The following MBOAT1 variants were observed in gnomAD, a reference collection of about 807,000 sequenced individuals.
The protein encoded by MBOAT1 is membrane-bound glycerophospholipid O-acyltransferase 1.
MBOAT1 carries 67 observed loss-of-function variants against 64.4 expected under a neutral mutation model. The ratio of observed to expected loss-of-function variants is 1.04; its 90% confidence interval spans 0.85 to 1.27. MBOAT1 has a LOEUF of 1.27. Ranked by LOEUF, MBOAT1 falls within the 50% of genes most tolerant of loss-of-function variation. MBOAT1 has a pLI of 0.00. For missense variants in MBOAT1, 563 were observed against 604.6 expected (o/e 0.93, Z 0.72); for synonymous variants, 229 against 218.9 (o/e 1.05, Z -0.41).
intron 1 of MBOAT1, among the ~76,000 whole-genome samples, chr6:20,186,805 G>C (rs943339299): frequency 8.5e-5 from 13 of 152,194 alleles, no homozygotes; most frequent in African/African-American, 3.1e-4. Flanking sequence ...AAAAGCCACA[G>C]AGACTTGGGT....
chr6:20,180,382 AC>A (rs67152111), intron 1 of MBOAT1, among the ~76,000 whole-genome samples: 2,779 of 150,698 alleles, frequency 0.018, 66 homozygotes, highest in African/African-American at 0.061. Context: ...ACTTCCACTC[AC>A]CCTTGCCCTC....
chr6:20,196,849 C>G (rs949116699), intron 1 of MBOAT1, among the ~76,000 whole-genome samples: 1 of 137,880 alleles, frequency 7.3e-6, no homozygotes, highest in Non-Finnish European at 1.6e-5. Context: ...GCAACAAGAG[C>G]GAAACTCCAT....
intron 1 of MBOAT1, among the ~76,000 whole-genome samples, chr6:20,202,706 T>A (rs566890942): frequency 6.6e-5 from 10 of 152,296 alleles, no homozygotes; most frequent in African/African-American, 2.4e-4. Context: ...GAAATAGTTA[T>A]CTTTTAATAA....
rs967318266 is a variant in MBOAT1 at position 20,100,879 on chromosome 6, C to T, written c.*1407G>A. On this transcript the variant is annotated 3_prime_UTR_variant, in exon 13 of 13. Coordinates refer to ENST00000324607, the MANE Select transcript of MBOAT1 (RefSeq NM_001080480.3). The stretch of plus-strand genomic sequence containing the variant: ...AACATTTAATACCAAGTTTCCTTCT[C>T]TCACATAGAATATTACCCAATAGAA... Among the ~76,000 whole-genome samples, 8 of 152,106 alleles carry T rather than the reference C, an allele frequency of 5.3e-5. No homozygotes were observed. The highest frequency in any genetic ancestry group is 1.9e-4 in the African/African-American group (8 of 41,410).
intron 5 of MBOAT1, among the ~76,000 whole-genome samples, chr6:20,129,022 G>C (rs1448291637): frequency 2.6e-5 from 4 of 152,144 alleles, no homozygotes; most frequent in African/African-American, 9.7e-5. Flanking sequence ...GTATGACATG[G>C]ATCCCAGAGA....
At chr6:20,102,610 C>A (rs762644635) in intron 12 of MBOAT1, among the ~76,000 whole-genome samples, 198 bp from the exon 13 acceptor site, 1 of 152,102 alleles carries the variant, frequency 6.6e-6, no homozygotes, top group Non-Finnish European at 1.5e-5. Context: ...TAGACTGAAA[C>A]CACAAAACTG....
At chr6:20,138,959 G>C (rs761316409) in intron 4 of MBOAT1, among the ~76,000 whole-genome samples, 18 of 152,124 alleles carry the variant, frequency 1.2e-4, no homozygotes, top group Admixed American at 7.9e-4. Flanking sequence ...GAGCTCCCGG[G>C]CTTGCGTCTG....
chr6:20,124,608 T>C lies in MBOAT1; in HGVS notation c.715-8A>G. 1.9e-6 allele frequency: 3 copies of C among 1,613,036 alleles called. No individual in the cohort carries two copies. The highest frequency in any genetic ancestry group is 2.5e-6 in the Non-Finnish European group (3 of 1,179,526). On this transcript the variant is annotated splice_region_variant and splice_polypyrimidine_tract_variant and intron_variant, in intron 7 of 12. Transcript: ENST00000324607. ...CTTGTGTATCACAGCTCCCTGAAAA[T>C]GGGGAAAAATCAGTGTCACCGTGCA...
At position 20,197,639 on chromosome 6, in the gene MBOAT1, C is replaced by T. The variant is rs1762994830; in HGVS notation, c.99+14497G>A. Among the ~76,000 whole-genome samples, 3 of 152,334 alleles carry T rather than the reference C, an allele frequency of 2.0e-5. No individual in the cohort carries two copies. In the South Asian group the frequency reaches 6.2e-4, roughly 32 times the overall value. The stretch of plus-strand genomic sequence containing the variant: ...ACCTATGACCTGGAAGCCCCCTCCC[C>T]TGCTTTGAGTTGTCCCACCTTTTAG... On this transcript the variant is annotated intron_variant, in intron 1 of 12. Coordinates refer to ENST00000324607, the MANE Select transcript of MBOAT1 (RefSeq NM_001080480.3).
chr6:20,202,537 T>G (rs1371904635), intron 1 of MBOAT1, among the ~76,000 whole-genome samples: 2 of 151,888 alleles, frequency 1.3e-5, no homozygotes, highest in South Asian at 2.1e-4. Context: ...GATTAACCAC[T>G]GGTAACTTTA....
chr6:20,105,366 T>G lies in MBOAT1; in HGVS notation c.1362-2954A>C, dbSNP rs75139160. On this transcript the variant is annotated intron_variant, in intron 12 of 12. Coordinates refer to ENST00000324607, the MANE Select transcript of MBOAT1 (RefSeq NM_001080480.3). Reference sequence around the variant, plus strand: ...TATTATGGAAAGACTAAACTAACATTTATTGATCATGTCAGGCACTGACCT... The same window carrying G: ...TATTATGGAAAGACTAAACTAACATGTATTGATCATGTCAGGCACTGACCT... Among the ~76,000 whole-genome samples the G allele has an allele frequency of 8.5e-3, 1,289 of 152,338 alleles. 15 individuals are homozygous for G. Among genetic ancestry groups the G allele is most frequent in the African/African-American group, 0.029 (1,206 of 41,560 alleles).
At chr6:20,109,530 C>G (rs1760058357) in intron 12 of MBOAT1, 68 bp downstream of exon 12, 2 of 1,551,854 alleles carry the variant, frequency 1.3e-6, no homozygotes, top group Non-Finnish European at 1.8e-6. Context: ...AATTTACTGC[C>G]TCCTAAGTCA....
intron 1 of MBOAT1, among the ~76,000 whole-genome samples, chr6:20,168,476 A>C (rs1762071865): frequency 7.7e-6 from 1 of 130,588 alleles, no homozygotes; most frequent in African/African-American, 3.5e-5. Context: ...ACAGAGACAG[A>C]GACAGAGACA....
chr6:20,148,278 G>A (rs1761384295), intron 3 of MBOAT1, among the ~76,000 whole-genome samples: 1 of 152,166 alleles, frequency 6.6e-6, no homozygotes, highest in South Asian at 2.1e-4. Flanking sequence ...TTAGCTGAGT[G>A]TGGTGGTAGG....
intron 11 of MBOAT1, 21 bp downstream of exon 11, chr6:20,112,855 C>G: frequency 6.2e-7 from 1 of 1,608,154 alleles, no homozygotes; most frequent in Admixed American, 1.7e-5. Context: ...GGGAAAGACC[C>G]TAGGCCTAAA....
chr6:20,201,620 G>A (rs558330810), intron 1 of MBOAT1, among the ~76,000 whole-genome samples: 315 of 148,446 alleles, frequency 2.1e-3, no homozygotes, highest in Middle Eastern at 6.8e-3. Flanking sequence ...TCATACTGTC[G>A]TCCAGGCTGG....
intron 1 of MBOAT1, among the ~76,000 whole-genome samples, chr6:20,193,883 G>A (rs746495549): frequency 1.3e-5 from 2 of 152,108 alleles, no homozygotes; most frequent in African/African-American, 4.8e-5. Flanking sequence ...GTGATTACAG[G>A]TGTGAGCCAC....
At chr6:20,177,648 C>A (rs535597813) in intron 1 of MBOAT1, among the ~76,000 whole-genome samples, 1 of 152,094 alleles carries the variant, frequency 6.6e-6, no homozygotes, top group South Asian at 2.1e-4. Context: ...GTGGTGGGAG[C>A]CTGTAGTCCC....
At chr6:20,195,697 A>C (rs1419062196) in intron 1 of MBOAT1, among the ~76,000 whole-genome samples, 1 of 152,168 alleles carries the variant, frequency 6.6e-6, no homozygotes, top group Non-Finnish European at 1.5e-5. Flanking sequence ...AACCATCTGT[A>C]TCTATATTAA....
Sources: gnomAD v4.1 joint callset for allele counts (sites outside exome capture counted in the v4.1 genomes callset) on GRCh38, gnomAD v4.1.1 for gene constraint, MANE v1.5 for transcripts, NCBI Gene and HGNC (gene_info 2026-07-23, HGNC 2026-07-21) for gene names.